SH3KBP1: variants seen among roughly 807,000 people sequenced by gnomAD.
The protein encoded by SH3KBP1 is SH3 domain containing kinase binding protein 1.
SH3KBP1 carries 8 observed loss-of-function variants against 50.1 expected under a neutral mutation model. The observed-to-expected ratio is 0.16, with a 90% confidence interval of 0.09 to 0.29. SH3KBP1 has a LOEUF of 0.29. SH3KBP1 is among the 10% of genes least tolerant of loss of function. The pLI, the probability that SH3KBP1 is intolerant of heterozygous loss-of-function variation, is 1.00. For missense variants in SH3KBP1, 377 were observed against 535.2 expected (o/e 0.70, Z 2.92); for synonymous variants, 227 against 218.6 (o/e 1.04, Z -0.34).
rs370837922 is a variant in SH3KBP1, at chrX:19,787,903, C to T, written c.163-41462G>A. Among the ~76,000 whole-genome samples, 28 of 111,431 alleles carry T rather than the reference C, an allele frequency of 2.5e-4. No individual in the cohort carries two copies. The East Asian group carries it at 6.7e-3, about 27-fold the overall frequency. ...GGACTTCTCCTGAGAAGCTGCCGGA[C>T]GCAGGCAGAGGTGCACAGATGGCAA... On this transcript the variant is annotated intron_variant, in intron 2 of 17. Coordinates refer to ENST00000397821, the MANE Select transcript of SH3KBP1 (RefSeq NM_031892.3).
chrX:19,793,515 C>A, intron 2 of SH3KBP1, among the ~76,000 whole-genome samples: 1 of 109,907 alleles, frequency 9.1e-6, no homozygotes, highest in Admixed American at 9.7e-5. Flanking sequence ...TGGCCATCCA[C>A]CTCCCACCTC....
chrX:19,652,124 G>A (rs2062144412), intron 6 of SH3KBP1, among the ~76,000 whole-genome samples: 1 of 110,799 alleles, frequency 9.0e-6, no homozygotes, highest in African/African-American at 3.3e-5. Flanking sequence ...GAGCCTCTAC[G>A]CCTCTTAGAT....
chrX:19,588,620 C>T (rs772695801), intron 12 of SH3KBP1, 23 bp downstream of exon 12: 16 of 1,204,661 alleles, frequency 1.3e-5, no homozygotes, highest in Middle Eastern at 2.3e-4. Flanking sequence ...ACACCCGCCC[C>T]GGAGGTGAGA....
intron 16 of SH3KBP1, among the ~76,000 whole-genome samples, chrX:19,540,824 T>C (rs2064864203): frequency 9.0e-6 from 1 of 111,731 alleles, no homozygotes; most frequent in Admixed American, 9.4e-5. Context: ...ACCCGGGAAA[T>C]AACTCTTTGA....
chrX:19,644,866 C>G (rs978123087), intron 7 of SH3KBP1, among the ~76,000 whole-genome samples: 1 of 111,380 alleles, frequency 9.0e-6, no homozygotes, highest in Non-Finnish European at 1.9e-5. Context: ...TTCTAAAACA[C>G]AGTTAACCCC....
intron 2 of SH3KBP1, among the ~76,000 whole-genome samples, chrX:19,781,224 G>A (rs1164468873): frequency 9.0e-6 from 1 of 111,201 alleles, no homozygotes; most frequent in Non-Finnish European, 1.9e-5. Context: ...AATGCCTTGG[G>A]GATCTTGCTA....
chrX:19,639,761 T>C (rs897181532), intron 7 of SH3KBP1, among the ~76,000 whole-genome samples: 3 of 110,029 alleles, frequency 2.7e-5, no homozygotes, highest in African/African-American at 6.6e-5. Context: ...CTGCAGCAAA[T>C]TGGATGTGCC....
rs1173101409 is a variant in SH3KBP1, at chrX:19,691,354, C to CTATA, written c.520+4257_520+4258insTATA. ...TCTCTCTCTCTCTCTCTCTCTCTCTCTCTATATATATATATATCTTTTGAG... is the reference window on the plus strand; with the variant it reads ...TCTCTCTCTCTCTCTCTCTCTCTCTCTATATCTATATATATATATATCTTTTGAG... On this transcript the variant is annotated intron_variant, in intron 5 of 17. Transcript: ENST00000397821. Among the ~76,000 whole-genome samples the CTATA allele has an allele frequency of 1.7e-3, 141 of 81,505 alleles. 1 individual carries two copies. Among genetic ancestry groups the CTATA allele is most frequent in the Middle Eastern group, 6.2e-3 (1 of 162 alleles). 70.8% of individuals were successfully genotyped at this position (81,505 alleles called of 115,157 possible).
intron 3 of SH3KBP1, among the ~76,000 whole-genome samples, chrX:19,707,645 AAGAGC>A (rs2063680654): frequency 9.0e-6 from 1 of 111,572 alleles, no homozygotes; most frequent in Non-Finnish European, 1.9e-5. Flanking sequence ...AAATCAAGAT[AAGAGC>A]CAGGGCCACA....
intron 7 of SH3KBP1, among the ~76,000 whole-genome samples, chrX:19,636,161 A>AG (rs1491394196): frequency 3.2e-4 from 35 of 109,942 alleles, no homozygotes; most frequent in Non-Finnish European, 3.4e-4. Context: ...AGAGAGAGAG[A>AG]AAAAATAAAG....
intron 5 of SH3KBP1, among the ~76,000 whole-genome samples, chrX:19,687,908 G>A (rs1236582872): frequency 2.7e-5 from 3 of 112,133 alleles, no homozygotes; most frequent in Non-Finnish European, 5.6e-5. Context: ...AACCAGTATG[G>A]CATAAGCACC....
At chrX:19,846,830 T>C (rs1343904109) in intron 1 of SH3KBP1, among the ~76,000 whole-genome samples, 1 of 112,246 alleles carries the variant, frequency 8.9e-6, no homozygotes, top group East Asian at 2.8e-4. Flanking sequence ...AATAAATTCA[T>C]AGAGCCTTTA....
intron 6 of SH3KBP1, chrX:19,683,397 C>T (rs1241410594): frequency 2.8e-6 from 1 of 363,589 alleles, no homozygotes; most frequent in South Asian, 2.5e-5. Context: ...GTGCACAATT[C>T]CTTCACTCTA....
At chrX:19,563,665 C>A (rs992593958) in intron 13 of SH3KBP1, among the ~76,000 whole-genome samples, 11 of 112,060 alleles carry the variant, frequency 9.8e-5, no homozygotes, top group African/African-American at 3.2e-4. Context: ...GATTTGTGTC[C>A]CTAGATAGGG....
At chrX:19,806,931 A>G (rs1055077668) in intron 2 of SH3KBP1, among the ~76,000 whole-genome samples, 2 of 111,826 alleles carry the variant, frequency 1.8e-5, no homozygotes, top group African/African-American at 6.5e-5. Context: ...CTCACAACAC[A>G]ATCCTGGGAA....
At chrX:19,813,490 A>G (rs1313315592) in intron 2 of SH3KBP1, among the ~76,000 whole-genome samples, 1 of 111,810 alleles carries the variant, frequency 8.9e-6, no homozygotes, top group Non-Finnish European at 1.9e-5. Context: ...TTTTTGTAAT[A>G]AGAACACGCA....
chrX:19,770,289 G>A (rs1038715642), intron 2 of SH3KBP1, among the ~76,000 whole-genome samples: 11 of 111,649 alleles, frequency 9.9e-5, no homozygotes, highest in East Asian at 2.8e-4. Flanking sequence ...GAGAACATGC[G>A]GTATTTGGTT....
chrX:19,876,669 A>G (rs2069263184), intron 1 of SH3KBP1, among the ~76,000 whole-genome samples: 1 of 111,531 alleles, frequency 9.0e-6, no homozygotes, highest in African/African-American at 3.3e-5. Flanking sequence ...TACATATGAA[A>G]GCTCCCTGGA....
chrX:19,546,152 A>AT, intron 14 of SH3KBP1, 102 bp from the exon 15 acceptor site: 5 of 962,529 alleles, frequency 5.2e-6, no homozygotes. Context: ...CGACACTGCT[A>AT]TTTTGTCTTC....
Sources: allele counts gnomAD v4.1 joint callset (sites outside exome capture counted in the v4.1 genomes callset), GRCh38; gene constraint gnomAD v4.1.1; transcripts MANE v1.5; gene names NCBI Gene and HGNC (gene_info 2026-07-23, HGNC 2026-07-21).